MYO3B: variants seen among roughly 807,000 people sequenced by gnomAD.
The protein encoded by MYO3B is myosin-IIIb.
Under a neutral mutation model 174.6 loss-of-function variants are expected in MYO3B, and 156 were observed. The observed-to-expected ratio is 0.89, with a 90% CI of 0.78 to 1.02. MYO3B has a LOEUF of 1.02. Among genes scored for constraint, MYO3B ranks in the 50% least tolerant of loss-of-function variants. The probability of loss-of-function intolerance (pLI) is 0.00; values close to 1 mark genes in which losing one functional copy is unlikely to be tolerated. For missense variants in MYO3B, 1,632 were observed against 1,639.4 expected, an observed-to-expected ratio of 1.00 and a Z score of 0.08; for synonymous variants, 563 against 569.1, an observed-to-expected ratio of 0.99 and a Z score of 0.15.
intron 23 of MYO3B, among the ~76,000 whole-genome samples, chr2:170,461,744 C>G (rs1684301547): frequency 1.3e-5 from 2 of 149,560 alleles, no homozygotes; most frequent in Admixed American, 6.7e-5. Flanking sequence ...CCATTGCACT[C>G]CAGCCTGGGC....
At chr2:170,519,963 A>G (rs1481712005) in intron 30 of MYO3B, 1 of 123,340 alleles carries the variant, frequency 8.1e-6, no homozygotes, top group Non-Finnish European at 1.7e-5. Flanking sequence ...ACACAGCAAG[A>G]CTCTGTCTCA....
At chr2:170,478,889 T>TAAACACAC (rs1458510554) in intron 25 of MYO3B, among the ~76,000 whole-genome samples, 4 of 137,300 alleles carry the variant, frequency 2.9e-5, no homozygotes, top group African/African-American at 8.3e-5. Context: ...AGGTTTTACA[T>TAAACACAC]ACACACACAC....
chr2:170,372,248 A>G (rs1574867803), intron 9 of MYO3B, among the ~76,000 whole-genome samples: 1 of 151,682 alleles, frequency 6.6e-6, no homozygotes, highest in Non-Finnish European at 1.5e-5. Context: ...AGTTTCTTCT[A>G]TAAAACGGGG....
intron 32 of MYO3B, among the ~76,000 whole-genome samples, chr2:170,561,386 C>G (rs1691702194): frequency 6.6e-6 from 1 of 152,196 alleles, no homozygotes; most frequent in African/African-American, 2.4e-5. Context: ...CTAAACATTG[C>G]CCTTAGAGTG....
At chr2:170,502,601 GGGT>G (rs1687347511) in intron 28 of MYO3B, among the ~76,000 whole-genome samples, 1 of 2,860 alleles carries the variant, frequency 3.5e-4, no homozygotes, top group Admixed American at 0.019. Flanking sequence ...TGTCCACTGT[GGGT>G]GCGGGTGCCA....
At chr2:170,591,496 G>A (rs1693815918) in intron 32 of MYO3B, among the ~76,000 whole-genome samples, 1 of 152,194 alleles carries the variant, frequency 6.6e-6, no homozygotes. Context: ...ATGACAAAGA[G>A]GTTAGTGACA....
intron 32 of MYO3B, among the ~76,000 whole-genome samples, chr2:170,557,389 T>A (rs187629215): frequency 6.6e-6 from 1 of 152,274 alleles, no homozygotes; most frequent in African/African-American, 2.4e-5. Context: ...TCCGCCCGCC[T>A]CTGCCTCCCA....
intron 18 of MYO3B, among the ~76,000 whole-genome samples, chr2:170,402,392 A>G (rs150003213): frequency 1.5e-3 from 222 of 152,334 alleles, no homozygotes; most frequent in African/African-American, 4.9e-3. Flanking sequence ...ACACTATCTT[A>G]CATTACTATT....
intron 7 of MYO3B, among the ~76,000 whole-genome samples, chr2:170,237,176 G>A (rs1352242678): frequency 6.6e-6 from 1 of 152,180 alleles, no homozygotes; most frequent in Non-Finnish European, 1.5e-5. Flanking sequence ...GAAGCACCTG[G>A]CTTTTTAAAT....
intron 32 of MYO3B, among the ~76,000 whole-genome samples, chr2:170,546,007 G>GCT (rs1311239303): frequency 6.6e-6 from 1 of 152,046 alleles, no homozygotes; most frequent in African/African-American, 2.4e-5. Context: ...AACTTCCACT[G>GCT]CTCTCTCTTT....
chr2:170,382,294 T>C, intron 10 of MYO3B, 182 bp downstream of exon 10: 1 of 488,084 alleles, frequency 2.0e-6, no homozygotes, highest in Non-Finnish European at 3.7e-6. Context: ...TGTGTTTATT[T>C]AGATAGCCCC....
chr2:170,638,091 C>CCT (rs574364783), intron 32 of MYO3B, among the ~76,000 whole-genome samples: 26,166 of 148,990 alleles, frequency 0.18, 2,662 homozygotes, highest in East Asian at 0.31. Flanking sequence ...TCTCTCTCTC[C>CCT]CTCTCTCTCT....
chr2:170,560,277 A>G (rs1313732706), intron 32 of MYO3B, among the ~76,000 whole-genome samples: 1 of 152,108 alleles, frequency 6.6e-6, no homozygotes, highest in Non-Finnish European at 1.5e-5. Context: ...AGTGGGACCA[A>G]TTTGTTGGTA....
At chr2:170,314,000 C>T (rs951475285) in intron 7 of MYO3B, among the ~76,000 whole-genome samples, 4 of 152,142 alleles carry the variant, frequency 2.6e-5, no homozygotes, top group Non-Finnish European at 4.4e-5. Context: ...ATTGGGTTTT[C>T]GTGAACCACA....
At chr2:170,349,145 T>C (rs544352756) in intron 8 of MYO3B, among the ~76,000 whole-genome samples, 5 of 152,168 alleles carry the variant, frequency 3.3e-5, no homozygotes, top group Non-Finnish European at 7.3e-5. Flanking sequence ...TTCTATGTAA[T>C]ACCATTCTCT....
chr2:170,208,128 C>G (rs1334563286), intron 3 of MYO3B, among the ~76,000 whole-genome samples: 2 of 152,224 alleles, frequency 1.3e-5, no homozygotes, highest in African/African-American at 2.4e-5. Flanking sequence ...CTCACCTGTG[C>G]TATGCCTTTT....
At chr2:170,185,723 T>C (rs1212079471) in intron 1 of MYO3B, among the ~76,000 whole-genome samples, 2 of 152,202 alleles carry the variant, frequency 1.3e-5, no homozygotes, top group Admixed American at 6.5e-5. Context: ...AATCTGTAGA[T>C]TGCTTTGGGT....
chr2:170,475,965 A>ATAAACCTTG (rs1419706243), intron 25 of MYO3B, among the ~76,000 whole-genome samples: 1 of 152,206 alleles, frequency 6.6e-6, no homozygotes, highest in East Asian at 1.9e-4. Flanking sequence ...AACCTTGACC[A>ATAAACCTTG]TAAATCCTGC....
intron 3 of MYO3B, among the ~76,000 whole-genome samples, chr2:170,200,910 A>C (rs2105338939): frequency 6.6e-6 from 1 of 152,304 alleles, no homozygotes; most frequent in African/African-American, 2.4e-5. Context: ...TCAGCCAATC[A>C]TTGCCTGCAT....
Sources: gnomAD v4.1 joint callset for allele counts (sites outside exome capture counted in the v4.1 genomes callset) on GRCh38, gnomAD v4.1.1 for gene constraint, MANE v1.5 for transcripts, NCBI Gene and HGNC (gene_info 2026-07-23, HGNC 2026-07-21) for gene names.